TMEM131: variants seen among roughly 807,000 people sequenced by gnomAD.
TMEM131 encodes 2610524E03Rik.
TMEM131 carries 66 observed loss-of-function variants against 211.6 expected under a neutral mutation model. That is an observed-to-expected ratio of 0.31 (90% confidence interval 0.26 to 0.38). The LOEUF is 0.38. Ranked by LOEUF, TMEM131 falls within the 10% of genes least tolerant of loss-of-function variation. The probability of loss-of-function intolerance (pLI) is 1.00; values close to 1 mark genes in which losing one functional copy is unlikely to be tolerated. For synonymous variants in TMEM131, 844 were observed against 841.3 expected (o/e 1.00, Z -0.06); for missense variants, 2,036 against 2,299.3 (o/e 0.89, Z 2.34).
intron 1 of TMEM131, among the ~76,000 whole-genome samples, chr2:97,975,553 A>G (rs1261420466): frequency 6.6e-6 from 1 of 152,108 alleles, no homozygotes; most frequent in Non-Finnish European, 1.5e-5. Flanking sequence ...GAAAGATATT[A>G]ATTACCAAAG....
intron 2 of TMEM131, among the ~76,000 whole-genome samples, chr2:97,909,200 A>T (rs1397376326): frequency 6.6e-6 from 1 of 152,212 alleles, no homozygotes; most frequent in Non-Finnish European, 1.5e-5. Context: ...GGCCTGTCTG[A>T]AGAGACAATA....
chr2:97,995,402 C>T, intron 1 of TMEM131, 74 bp downstream of exon 1: 2 of 1,266,896 alleles, frequency 1.6e-6, no homozygotes, highest in Non-Finnish European at 1.0e-6. Context: ...CCCTTCCTCC[C>T]GGCCCAGCCC....
intron 1 of TMEM131, among the ~76,000 whole-genome samples, chr2:97,939,085 T>C (rs1392289685): frequency 6.6e-6 from 1 of 152,134 alleles, no homozygotes; most frequent in Non-Finnish European, 1.5e-5. Flanking sequence ...AGGAAAGATC[T>C]AAAATTGACA....
At chr2:97,781,273 G>GC (rs1339068947) in intron 31 of TMEM131, among the ~76,000 whole-genome samples, 5 of 152,234 alleles carry the variant, frequency 3.3e-5, no homozygotes, top group African/African-American at 1.2e-4. Flanking sequence ...CATCTGCCAG[G>GC]CTGCACAAGT....
At chr2:97,835,486 G>A (rs1387197504) in intron 8 of TMEM131, among the ~76,000 whole-genome samples, 7 of 152,198 alleles carry the variant, frequency 4.6e-5, no homozygotes, top group Admixed American at 4.6e-4. Context: ...GTCCCGTAAT[G>A]AGAGAACATT....
At position 97,813,967 on chromosome 2, in the gene TMEM131, T is replaced by G; in HGVS notation, c.1617+4A>C. Reference sequence around the variant, plus strand: ...TAAATGTTAAAGATGGATAATATACTTACATCTAAAAAGCCTGTGTATACC... The same window carrying G: ...TAAATGTTAAAGATGGATAATATACGTACATCTAAAAAGCCTGTGTATACC... On this transcript the variant is annotated splice_donor_region_variant and intron_variant, in intron 15 of 40. Coordinates refer to ENST00000186436, the MANE Select transcript of TMEM131 (RefSeq NM_015348.2). 1 of 1,576,956 alleles carries G rather than the reference T, an allele frequency of 6.3e-7. No homozygotes were observed. The highest frequency in any genetic ancestry group is 8.6e-7 in the Non-Finnish European group (1 of 1,160,952).
intron 1 of TMEM131, among the ~76,000 whole-genome samples, chr2:97,967,844 C>A (rs76839899): frequency 6.6e-6 from 1 of 152,050 alleles, no homozygotes; most frequent in Admixed American, 6.5e-5. Context: ...ATGTTGTCTT[C>A]CCATGTAACA....
chr2:97,814,169 C>T, intron 14 of TMEM131, 28 bp from the exon 15 acceptor site: 1 of 1,611,662 alleles, frequency 6.2e-7, no homozygotes. Context: ...AGAAAAAAAA[C>T]AAAGTGTCAG....
intron 7 of TMEM131, among the ~76,000 whole-genome samples, chr2:97,838,426 CTTTTTTTTTTTTTTTTTTTTT>C (rs753635047): frequency 2.2e-5 from 2 of 89,082 alleles, no homozygotes; most frequent in Admixed American, 2.9e-4. Context: ...TAAGCTTAAA[CTTTTTTTTTTTTTTTTTTTTT>C]TTTTTTTTTT....
intron 11 of TMEM131, among the ~76,000 whole-genome samples, chr2:97,825,726 C>A (rs904299582): frequency 6.6e-6 from 1 of 152,170 alleles, no homozygotes; most frequent in African/African-American, 2.4e-5. Context: ...CGTGGGACAA[C>A]CCCACAACCA....
intron 35 of TMEM131, chr2:97,764,679 C>G (rs1679067333): frequency 6.6e-6 from 1 of 152,366 alleles, no homozygotes; most frequent in Non-Finnish European, 1.5e-5. Flanking sequence ...TTCACAGTTC[C>G]TCCTCCAGAG....
chr2:97,860,552 C>T (rs1674026534), intron 4 of TMEM131, among the ~76,000 whole-genome samples: 1 of 152,232 alleles, frequency 6.6e-6, no homozygotes, highest in Admixed American at 6.5e-5. Flanking sequence ...TTTCGTTCAA[C>T]TGTCCACCAT....
At chr2:97,858,051 A>G (rs910834966) in intron 5 of TMEM131, among the ~76,000 whole-genome samples, 6 of 152,364 alleles carry the variant, frequency 3.9e-5, no homozygotes, top group African/African-American at 1.4e-4. Flanking sequence ...AAATACCTTT[A>G]AATGAAAAAG....
chr2:97,971,974 A>G (rs1005720984), intron 1 of TMEM131, among the ~76,000 whole-genome samples: 1 of 152,174 alleles, frequency 6.6e-6, no homozygotes, highest in African/African-American at 2.4e-5. Flanking sequence ...TTGAGAGGCC[A>G]AGCTGGGTGG....
intron 3 of TMEM131, among the ~76,000 whole-genome samples, chr2:97,905,726 A>T (rs970219317): frequency 6.6e-6 from 1 of 152,162 alleles, no homozygotes; most frequent in South Asian, 2.1e-4. Flanking sequence ...TTTCTTTTTC[A>T]TACTGTCCAT....
chr2:97,905,030 C>G (rs1676010677), intron 3 of TMEM131, among the ~76,000 whole-genome samples: 1 of 152,140 alleles, frequency 6.6e-6, no homozygotes, highest in East Asian at 1.9e-4. Context: ...AACCAGAAAA[C>G]ATTTTTTATA....
intron 12 of TMEM131, among the ~76,000 whole-genome samples, chr2:97,818,399 C>G (rs1195233932): frequency 7.9e-6 from 1 of 126,594 alleles, no homozygotes; most frequent in Non-Finnish European, 1.6e-5. Flanking sequence ...ACTGATTTAG[C>G]TTTATAAAGT....
chr2:97,774,277 G>A (rs895649815), intron 32 of TMEM131, among the ~76,000 whole-genome samples: 5 of 152,226 alleles, frequency 3.3e-5, no homozygotes, highest in Admixed American at 6.5e-5. Flanking sequence ...TGTTGCCTAC[G>A]CACCTAGCAC....
rs1185714019 is a variant in TMEM131, at chr2:97,841,854, A to C, written c.684T>G (p.Pro228=). Residue 228 remains proline, a synonymous_variant, in exon 7 of 41, where the codon CCT becomes CCG. Coordinates refer to ENST00000186436, the MANE Select transcript of TMEM131 (RefSeq NM_015348.2). ...TGTGAGGATTGTGGATGTTTATTAT[A>C]GGTGAGAAACTGCTATTCACAGGGA... ...ARVPVNSSFS[P]IINIHNPHSE... 1 of 1,596,970 alleles carries C rather than the reference A, an allele frequency of 6.3e-7. No homozygotes were observed. The highest frequency in any genetic ancestry group is 1.3e-5 in the African/African-American group (1 of 74,826).
Sources: allele counts gnomAD v4.1 joint callset (sites outside exome capture counted in the v4.1 genomes callset), GRCh38; gene constraint gnomAD v4.1.1; transcripts MANE v1.5; gene names NCBI Gene and HGNC (gene_info 2026-07-23, HGNC 2026-07-21).